CLMP: variants seen among roughly 807,000 people sequenced by gnomAD.
CLMP encodes CXADR-like membrane protein.
Under a neutral mutation model 45.2 loss-of-function variants are expected in CLMP, and 27 were observed. The ratio of observed to expected loss-of-function variants is 0.60; its 90% CI spans 0.44 to 0.82. The LOEUF is 0.82. Ranked by LOEUF, CLMP falls within the 40% of genes least tolerant of loss-of-function variation. The pLI, the probability that CLMP is intolerant of heterozygous loss-of-function variation, is 0.00. For missense variants in CLMP, 403 were observed against 448.4 expected, an observed-to-expected ratio of 0.90 and a Z score of 0.91; for synonymous variants, 167 against 171.4, an observed-to-expected ratio of 0.97 and a Z score of 0.20.
chr11:123,078,300 G>C (rs1331097526), intron 5 of CLMP, among the ~76,000 whole-genome samples: 1 of 152,058 alleles, frequency 6.6e-6, no homozygotes, highest in Non-Finnish European at 1.5e-5. Flanking sequence ...CTAGCTATAA[G>C]CAACAACAAT....
chr11:123,150,484 G>GAAAGA (rs1565397469), intron 1 of CLMP, among the ~76,000 whole-genome samples: 342 of 32,680 alleles, frequency 0.01, 1 homozygote, highest in East Asian at 0.026. Context: ...AGAAAGAAAG[G>GAAAGA]AAGGAAGGAA....
chr11:123,185,667 C>A (rs1861825607), intron 1 of CLMP, among the ~76,000 whole-genome samples: 1 of 152,156 alleles, frequency 6.6e-6, no homozygotes, highest in Non-Finnish European at 1.5e-5. Flanking sequence ...GGGTACCAGG[C>A]CTCCGCTGAA....
At chr11:123,087,422 T>A (rs1008838383) in intron 2 of CLMP, among the ~76,000 whole-genome samples, 1 of 151,936 alleles carries the variant, frequency 6.6e-6, no homozygotes, top group Non-Finnish European at 1.5e-5. Flanking sequence ...GGCAGCAGAA[T>A]CACTTGAACC....
Position 123,073,733 on chromosome 11 carries a change from C to A in CLMP, c.863G>T (p.Ser288Ile). ...GCTCCGAGAGCCTGAGGAAGAGGAG[C>A]TGGGTTTCACAAGACGGGCTTTTGG... Reference protein sequence around the residue: ...EAPKARLVKPSSSSSGSRSSR... With the variant: ...EAPKARLVKPISSSSGSRSSR... The change falls in exon 7 of 7, where the codon AGC (serine) becomes ATC (isoleucine). Residue 288 changes from serine to isoleucine, a missense_variant. Ser to Ile is a moderately radical substitution (Grantham distance 142). Coordinates refer to ENST00000448775, the MANE Select transcript of CLMP (RefSeq NM_024769.5). 1 of 1,610,814 alleles carries A rather than the reference C, an allele frequency of 6.2e-7. No homozygotes were observed. The highest frequency in any genetic ancestry group is 8.5e-7 in the Non-Finnish European group (1 of 1,178,408).
At chr11:123,088,812 C>T (rs11218970) in intron 2 of CLMP, among the ~76,000 whole-genome samples, 50 of 151,848 alleles carry the variant, frequency 3.3e-4, no homozygotes, top group African/African-American at 1.2e-3. Flanking sequence ...TTAGTAGAGA[C>T]GGGGTTTTAC....
chr11:123,191,565 T>C (rs1427158154), intron 1 of CLMP: 2 of 152,236 alleles, frequency 1.3e-5, no homozygotes, highest in Non-Finnish European at 2.9e-5. Context: ...ATGACAAATA[T>C]ATTATCTGGT....
At chr11:123,113,531 A>G (rs1039178585) in intron 1 of CLMP, among the ~76,000 whole-genome samples, 92 of 152,194 alleles carry the variant, frequency 6.0e-4, no homozygotes, top group African/African-American at 1.9e-3. Context: ...GCAGGCGATG[A>G]CCTTCCAGAC....
At chr11:123,165,027 C>T (rs1327178835) in intron 1 of CLMP, among the ~76,000 whole-genome samples, 4 of 152,170 alleles carry the variant, frequency 2.6e-5, no homozygotes, top group Admixed American at 6.5e-5. Flanking sequence ...ACTGTAAAAA[C>T]GCGATTTTGA....
At chr11:123,113,547 G>A (rs1025927510) in intron 1 of CLMP, among the ~76,000 whole-genome samples, 1 of 152,084 alleles carries the variant, frequency 6.6e-6, no homozygotes, top group Non-Finnish European at 1.5e-5. Flanking sequence ...CAGACTGAAT[G>A]GCAGCCTTAG....
chr11:123,147,897 C>T (rs752227324), intron 1 of CLMP, among the ~76,000 whole-genome samples: 1 of 151,176 alleles, frequency 6.6e-6, no homozygotes, highest in Admixed American at 6.6e-5. Flanking sequence ...ACTGCAGCCT[C>T]GAACTGCTGA....
chr11:123,138,906 T>C (rs1304845761), intron 1 of CLMP, among the ~76,000 whole-genome samples: 1 of 152,114 alleles, frequency 6.6e-6, no homozygotes, highest in African/African-American at 2.4e-5. Flanking sequence ...CCACCCACCA[T>C]GGCCTCCCAA....
At chr11:123,106,979 A>G (rs12804159) in intron 1 of CLMP, among the ~76,000 whole-genome samples, 8 of 151,130 alleles carry the variant, frequency 5.3e-5, no homozygotes, top group Admixed American at 4.0e-4. Context: ...GGATTGAGCC[A>G]CTGCACTCCA....
intron 1 of CLMP, among the ~76,000 whole-genome samples, chr11:123,169,557 T>A: frequency 6.6e-6 from 1 of 152,240 alleles, no homozygotes; most frequent in Non-Finnish European, 1.5e-5. Flanking sequence ...GGGAGGTTTT[T>A]ACTCCACTCC....
At chr11:123,079,762 A>G (rs1865783979) in intron 5 of CLMP, among the ~76,000 whole-genome samples, 2 of 152,230 alleles carry the variant, frequency 1.3e-5, no homozygotes, top group Admixed American at 1.3e-4. Context: ...TGTGTTTTTA[A>G]GAAAAATTAT....
At chr11:123,109,767 C>T (rs1310780628) in intron 1 of CLMP, among the ~76,000 whole-genome samples, 1 of 152,098 alleles carries the variant, frequency 6.6e-6, no homozygotes, top group Non-Finnish European at 1.5e-5. Flanking sequence ...ATGATGTGGC[C>T]GCATTTATAG....
At chr11:123,115,538 G>A (rs775871624) in intron 1 of CLMP, among the ~76,000 whole-genome samples, 29 of 151,994 alleles carry the variant, frequency 1.9e-4, no homozygotes, top group Non-Finnish European at 3.8e-4. Flanking sequence ...ACACAAAAGA[G>A]TACATTCTAT....
At chr11:123,081,926 T>C (rs1865809001) in intron 5 of CLMP, among the ~76,000 whole-genome samples, 1 of 151,964 alleles carries the variant, frequency 6.6e-6, no homozygotes, top group South Asian at 2.1e-4. Flanking sequence ...TTCTCCTTTA[T>C]AGATTGGGAA....
At chr11:123,106,017 A>G (rs1461216933) in intron 1 of CLMP, among the ~76,000 whole-genome samples, 1 of 151,808 alleles carries the variant, frequency 6.6e-6, no homozygotes, top group Admixed American at 6.6e-5. Context: ...GGGTTTCACC[A>G]TGTTGGCCAG....
chr11:123,129,467 T>C (rs1463824250), intron 1 of CLMP, among the ~76,000 whole-genome samples: 1 of 139,466 alleles, frequency 7.2e-6, no homozygotes, highest in African/African-American at 2.6e-5. Flanking sequence ...ATATATCATA[T>C]GATATATTAT....
Sources: gnomAD v4.1 joint callset for allele counts (sites outside exome capture counted in the v4.1 genomes callset) on GRCh38, gnomAD v4.1.1 for gene constraint, MANE v1.5 for transcripts, NCBI Gene and HGNC (gene_info 2026-07-23, HGNC 2026-07-21) for gene names.